Variants in MXI1 observed in about 807,000 individuals in gnomAD.
The protein encoded by MXI1 is MAX interactor 1, dimerization protein.
MXI1 carries 18 observed loss-of-function variants against 36.9 expected under a neutral mutation model. That is an observed-to-expected ratio of 0.49 (90% CI 0.34 to 0.72). The LOEUF (loss-of-function observed/expected upper bound fraction) is 0.72, where lower values mean the gene tolerates loss of function less well. Among genes scored for constraint, MXI1 ranks in the 30% least tolerant of loss-of-function variants. The pLI is 0.01. For synonymous variants in MXI1, 160 were observed against 146.7 expected (o/e 1.09, Z -0.65); for missense variants, 304 against 379.1 (o/e 0.80, Z 1.64).
At chr10:110,282,161 A>C (rs1857273536) in intron 5 of MXI1, among the ~76,000 whole-genome samples, 1 of 152,110 alleles carries the variant, frequency 6.6e-6, no homozygotes, top group African/African-American at 2.4e-5. Context: ...AGAAGTAACA[A>C]GTTTTGGTTT....
intron 3 of MXI1, chr10:110,261,182 A>G: frequency 1.0e-6 from 1 of 967,942 alleles, no homozygotes; most frequent in Non-Finnish European, 1.2e-6. Context: ...AACCATTTAG[A>G]CAATAAAAGT....
intron 3 of MXI1, among the ~76,000 whole-genome samples, chr10:110,259,306 CAA>C (rs1477591844): frequency 3.3e-5 from 5 of 151,996 alleles, no homozygotes; most frequent in Non-Finnish European, 7.4e-5. Context: ...GCAATGTAAA[CAA>C]ATTTATTTTA....
At chr10:110,280,198 T>C (rs770262734) in intron 5 of MXI1, 113 bp downstream of exon 5, 102 of 875,368 alleles carry the variant, frequency 1.2e-4, no homozygotes, top group South Asian at 1.7e-4. Flanking sequence ...CAGAGTAACA[T>C]TGTAGGTTTT....
intron 2 of MXI1, among the ~76,000 whole-genome samples, chr10:110,237,851 C>A (rs142824217): frequency 6.6e-6 from 1 of 152,328 alleles, no homozygotes; most frequent in Non-Finnish European, 1.5e-5. Context: ...TCAAAGCCCA[C>A]TGCAACCTCA....
At chr10:110,210,468 G>A (rs1380673766) in intron 1 of MXI1, among the ~76,000 whole-genome samples, 2 of 152,000 alleles carry the variant, frequency 1.3e-5, no homozygotes, top group Admixed American at 6.5e-5. Flanking sequence ...AGCTTGGGGC[G>A]CCGCGCCGTG....
At chr10:110,216,662 A>ATTTTT (rs1854643140) in intron 1 of MXI1, among the ~76,000 whole-genome samples, 1 of 63,258 alleles carries the variant, frequency 1.6e-5, no homozygotes, top group Non-Finnish European at 2.4e-5. Flanking sequence ...ATCTGTGTTT[A>ATTTTT]ATGTTTTTTT....
rs1857396825 is a variant in MXI1, at chr10:110,285,062, G to A, written c.*75G>A. 2 of 1,392,782 alleles carry A rather than the reference G, an allele frequency of 1.4e-6. No individual in the cohort carries two copies. The highest frequency in any genetic ancestry group is 2.4e-5 in the East Asian group (1 of 41,224). The allele number at this position is 1,392,782 out of a possible 1,614,324, so 86.3% of individuals were successfully genotyped here. On this transcript the variant is annotated 3_prime_UTR_variant, in exon 6 of 6. Coordinates refer to ENST00000332674, the MANE Select transcript of MXI1 (RefSeq NM_130439.3). ...CAATACAAACAATCTCTTAAATTGG[G>A]TTCATGATGCAGTCTCCTCTTTAAA...
At chr10:110,227,615 C>T in intron 1 of MXI1, 1 of 931,146 alleles carries the variant, frequency 1.1e-6, no homozygotes, top group Non-Finnish European at 1.3e-6. Context: ...GCCGGGAGAA[C>T]ACTGAGCGGG....
At chr10:110,235,690 A>AAAAT (rs60672702) in intron 2 of MXI1, among the ~76,000 whole-genome samples, 7,125 of 149,070 alleles carry the variant, frequency 0.048, 584 homozygotes, top group African/African-American at 0.16. Flanking sequence ...TCTGTCTCAA[A>AAAAT]AAATAAATAA....
At chr10:110,252,929 T>G (rs1856151086) in intron 3 of MXI1, among the ~76,000 whole-genome samples, 1 of 152,108 alleles carries the variant, frequency 6.6e-6, no homozygotes, top group Non-Finnish European at 1.5e-5. Context: ...TAAGAACAGC[T>G]TAAAGGATTT....
At chr10:110,272,761 TTTGA>T (rs200346881) in intron 3 of MXI1, among the ~76,000 whole-genome samples, 2,504 of 151,720 alleles carry the variant, frequency 0.017, 51 homozygotes, top group African/African-American at 0.056. Context: ...AATATTTCTA[TTTGA>T]TTATTTTATA....
At chr10:110,277,635 T>A (rs1369726287) in intron 3 of MXI1, among the ~76,000 whole-genome samples, 1 of 152,190 alleles carries the variant, frequency 6.6e-6, no homozygotes, top group African/African-American at 2.4e-5. Flanking sequence ...ATACCTTTGA[T>A]TTAGGGATTC....
intron 2 of MXI1, among the ~76,000 whole-genome samples, chr10:110,228,939 G>T (rs1037732034): frequency 3.9e-5 from 6 of 152,232 alleles, no homozygotes; most frequent in Non-Finnish European, 7.3e-5. Flanking sequence ...ACTTGGAAAG[G>T]CTGGGCCTAG....
intron 2 of MXI1, among the ~76,000 whole-genome samples, chr10:110,238,836 A>G (rs1855563034): frequency 6.6e-6 from 1 of 152,136 alleles, no homozygotes; most frequent in Admixed American, 6.5e-5. Flanking sequence ...AAGTTATCAA[A>G]TTTAGATGAT....
In MXI1 at chr10:110,215,041, TTG is replaced by T. The variant is rs1491050425; in HGVS notation, c.274+6961_274+6962del. Reference sequence around the variant, plus strand: ...TTCTGCTCCACTTCAGTTTTTTTTTTTGTTTTTTTTTTTTTTTTGAGATGGAG... The same window carrying T: ...TTCTGCTCCACTTCAGTTTTTTTTTTTTTTTTTTTTTTTTTTGAGATGGAG... On this transcript the variant is annotated intron_variant, in intron 1 of 5. Transcript: ENST00000332674. Among the ~76,000 whole-genome samples the T allele has an allele frequency of 1.3e-3, 103 of 76,852 alleles. 10 individuals carry two copies. The highest frequency in any genetic ancestry group is 0.01 in the Admixed American group (81 of 7,918). The allele number at this position is 76,852 out of a possible 152,430, so 50.4% of individuals were successfully genotyped here. A position where few individuals can be genotyped will look rare whatever the true frequency, so the allele number is the denominator to read the frequency against.
chr10:110,279,816 CAT>C (rs1403331066), intron 4 of MXI1, 96 bp from the exon 5 acceptor site: 3 of 823,580 alleles, frequency 3.6e-6, no homozygotes, highest in East Asian at 2.8e-5. Context: ...CACACTCACA[CAT>C]GTATATTCAT....
At chr10:110,231,816 A>G (rs1366790395) in intron 2 of MXI1, among the ~76,000 whole-genome samples, 2 of 152,188 alleles carry the variant, frequency 1.3e-5, no homozygotes, top group Admixed American at 1.3e-4. Context: ...ACTCTACTAA[A>G]TAAGCCATGA....
intron 1 of MXI1, among the ~76,000 whole-genome samples, chr10:110,224,402 A>G (rs2134342657): frequency 6.6e-6 from 1 of 152,230 alleles, no homozygotes; most frequent in Non-Finnish European, 1.5e-5. Context: ...GTCTAGAGGC[A>G]TTTTTGGTTG....
chr10:110,207,991 G>A lies in MXI1; in HGVS notation c.183G>A (p.Ser61=), dbSNP rs769261139. 6.2e-7 allele frequency: 1 copy of A among 1,602,126 alleles called. No homozygotes were observed. The highest frequency in any genetic ancestry group is 1.4e-5 in the African/African-American group (1 of 73,906). ...ACATTTTCAACACCAGCGAGAACTC[G>A]ATGGAGAAGCACATCAACACTTTTC... The part of the protein sequence containing the change: ...FSDIFNTSEN[S]MEKHINTFLQ... The change falls in exon 1 of 6, where the codon TCG becomes TCA. Residue 61 remains serine (S), a synonymous_variant. Transcript: ENST00000332674.
Sources: allele counts gnomAD v4.1 joint callset (sites outside exome capture counted in the v4.1 genomes callset), GRCh38; gene constraint gnomAD v4.1.1; transcripts MANE v1.5; gene names NCBI Gene and HGNC (gene_info 2026-07-23, HGNC 2026-07-21).